The following USP15 variants were observed in gnomAD, a reference collection of about 807,000 sequenced individuals.
The protein encoded by USP15 is ubiquitin specific peptidase 15.
USP15 carries 18 observed loss-of-function variants against 127.1 expected under a neutral mutation model. The ratio of observed to expected loss-of-function variants is 0.14; its 90% confidence interval spans 0.10 to 0.21. USP15 has a LOEUF of 0.21. Among genes scored for constraint, USP15 ranks in the 10% least tolerant of loss-of-function variants. USP15 has a pLI of 1.00. For missense variants in USP15, 805 were observed against 1,159.9 expected (o/e 0.69, Z 4.44); for synonymous variants, 364 against 393.7 (o/e 0.92, Z 0.89).
intron 2 of USP15, among the ~76,000 whole-genome samples, chr12:62,297,785 G>A (rs963440829): frequency 2.0e-5 from 3 of 152,054 alleles, no homozygotes; most frequent in Non-Finnish European, 4.4e-5. Flanking sequence ...AACTCAATCA[G>A]GGAAACGTGA....
Position 62,389,519 on chromosome 12 carries a change from G to C in USP15, c.1557+5G>C. On this transcript the variant is annotated splice_donor_5th_base_variant and intron_variant, in intron 12 of 21. Transcript: ENST00000280377. ...TCAGGAATACCTGCAGATAAGGTAA[G>C]ATGTTTCTGGGGTTGAAGTATATAA... The C allele has an allele frequency of 6.2e-7, 1 of 1,613,542 alleles. No individual in the cohort carries two copies. Among genetic ancestry groups the C allele is most frequent in the Non-Finnish European group, 8.5e-7 (1 of 1,179,800 alleles).
At chr12:62,345,017 C>G (rs1043928051) in intron 6 of USP15, among the ~76,000 whole-genome samples, 1 of 152,240 alleles carries the variant, frequency 6.6e-6, no homozygotes, top group Admixed American at 6.5e-5. Flanking sequence ...CTGACATGCC[C>G]TGGAGACATT....
intron 7 of USP15, among the ~76,000 whole-genome samples, chr12:62,353,613 C>A (rs866044558): frequency 6.6e-6 from 1 of 151,856 alleles, no homozygotes; most frequent in South Asian, 2.1e-4. Flanking sequence ...GAAAGCCTTG[C>A]TTTTTTTAAA....
Position 62,411,434 on chromosome 12 carries a change from T to C in USP15, c.*7059T>C, listed in dbSNP as rs2068038856. The C allele has an allele frequency of 6.6e-6, 1 of 152,190 alleles. No individual in the cohort carries two copies. The highest frequency in any genetic ancestry group is 2.1e-4 in the South Asian group (1 of 4,834). 9.4% of individuals were successfully genotyped at this position (152,190 alleles called of 1,614,324 possible). ...ACTATTCTAGATTCAAGATATAAAG[T>C]AATATACAAAAACAAAATCCAGTTA... On this transcript the variant is annotated 3_prime_UTR_variant, in exon 22 of 22. Coordinates refer to ENST00000280377, the MANE Select transcript of USP15 (RefSeq NM_001252078.2).
At position 62,360,414 on chromosome 12, in the gene USP15, A is replaced by T. The variant is rs536368427; in HGVS notation, c.915+4939A>T. On this transcript the variant is annotated intron_variant, in intron 8 of 21. Coordinates refer to ENST00000280377, the MANE Select transcript of USP15 (RefSeq NM_001252078.2). ...TTAAATAGAAAGTTTAAACTTTTTT[A>T]AAGATTTAATTTAAGAGAATAAGTA... Among the ~76,000 whole-genome samples, 23 of 152,188 alleles carry T rather than the reference A, an allele frequency of 1.5e-4. No individual in the cohort carries two copies. The South Asian group carries it at 4.8e-3, about 32-fold the overall frequency.
In USP15 at chr12:62,401,170, T is replaced by G. The variant is rs2067675910; in HGVS notation, c.2675-17T>G. 6.3e-7 allele frequency: 1 copy of G among 1,588,248 alleles called. No individual in the cohort carries two copies. Among genetic ancestry groups the G allele is most frequent in the African/African-American group, 1.3e-5 (1 of 74,308 alleles). On this transcript the variant is annotated splice_polypyrimidine_tract_variant and intron_variant, in intron 20 of 21. Transcript: ENST00000280377. ...CCAAGATCATTTTCGTCACAGTGAT[T>G]ATATTTTTTTCATTAGATACTGCTT... is the stretch of plus-strand genomic sequence containing the variant.
At chr12:62,313,249 A>G (rs1253692413) in intron 3 of USP15, among the ~76,000 whole-genome samples, 1 of 151,648 alleles carries the variant, frequency 6.6e-6, no homozygotes, top group East Asian at 1.9e-4. Context: ...TTAAGTCACC[A>G]GGTTCTTTCC....
chr12:62,302,973 A>G (rs1311917136), intron 3 of USP15, 53 bp downstream of exon 3: 1 of 1,551,716 alleles, frequency 6.4e-7, no homozygotes, highest in Admixed American at 1.8e-5. Context: ...ATTAGTTCAC[A>G]TTTTATTATT....
chr12:62,271,444 GTTA>G (rs2063343154), intron 1 of USP15, among the ~76,000 whole-genome samples: 1 of 151,902 alleles, frequency 6.6e-6, no homozygotes, highest in African/African-American at 2.4e-5. Context: ...ATAGATGCTC[GTTA>G]TTATTCGAAG....
At chr12:62,265,118 G>C (rs2063162098) in intron 1 of USP15, among the ~76,000 whole-genome samples, 1 of 152,152 alleles carries the variant, frequency 6.6e-6, no homozygotes, top group Non-Finnish European at 1.5e-5. Context: ...AGTCCAGGAA[G>C]GTCCAGAGCT....
intron 1 of USP15, among the ~76,000 whole-genome samples, chr12:62,263,209 A>G (rs1249689711): frequency 6.6e-6 from 1 of 152,138 alleles, no homozygotes; most frequent in Non-Finnish European, 1.5e-5. Context: ...TCTTTGAATC[A>G]GGTTATTTGA....
intron 8 of USP15, among the ~76,000 whole-genome samples, chr12:62,364,030 C>T (rs1407843126): frequency 6.6e-6 from 1 of 151,792 alleles, no homozygotes; most frequent in Non-Finnish European, 1.5e-5. Context: ...GTTGGATATT[C>T]TAGTATGGAA....
At chr12:62,335,680 A>G (rs1001939982) in intron 6 of USP15, 5 of 985,956 alleles carry the variant, frequency 5.1e-6, no homozygotes, top group African/African-American at 1.7e-5. Flanking sequence ...ACCAAAAACC[A>G]TATACTTCCT....
At chr12:62,380,423 G>T (rs2066957097) in intron 8 of USP15, among the ~76,000 whole-genome samples, 1 of 151,976 alleles carries the variant, frequency 6.6e-6, no homozygotes, top group African/African-American at 2.4e-5. Context: ...AGTTATCTGT[G>T]TGAATTCAAC....
At chr12:62,337,300 A>G (rs914256747) in intron 6 of USP15, among the ~76,000 whole-genome samples, 2 of 152,138 alleles carry the variant, frequency 1.3e-5, no homozygotes, top group Non-Finnish European at 2.9e-5. Flanking sequence ...GCTGATAAAG[A>G]CATATAGGAG....
At chr12:62,327,744 C>A in intron 6 of USP15, 1 of 405,806 alleles carries the variant, frequency 2.5e-6, no homozygotes, top group Admixed American at 3.3e-5. Flanking sequence ...TAATACCCAA[C>A]ACACCATACT....
chr12:62,342,986 A>G (rs2065693013), intron 6 of USP15, among the ~76,000 whole-genome samples: 2 of 152,110 alleles, frequency 1.3e-5, no homozygotes, highest in African/African-American at 4.8e-5. Flanking sequence ...AGCAGCCAGG[A>G]AAGATTAAGT....
chr12:62,401,112 A>G, intron 20 of USP15, 75 bp from the exon 21 acceptor site: 1 of 908,042 alleles, frequency 1.1e-6, no homozygotes. Context: ...CCTTATATAG[A>G]TGATTATAGA....
At position 62,393,130 on chromosome 12, in the gene USP15, T is replaced by C; in HGVS notation, c.2498T>C (p.Val833Ala). 2 of 1,613,904 alleles carry C rather than the reference T, an allele frequency of 1.2e-6. No individual in the cohort carries two copies. Among genetic ancestry groups the C allele is most frequent in the Non-Finnish European group, 1.7e-6 (2 of 1,179,888 alleles). The change falls in exon 19 of 22, where the codon GTA becomes GCA. Residue 833 changes from valine (V) to alanine (A), a missense_variant. By Grantham distance (64) the Val-to-Ala change is moderately conservative. This residue lies in a region of USP15 where 24 missense variants were observed against 71.5 expected (regional missense o/e 0.34). Coordinates refer to ENST00000280377, the MANE Select transcript of USP15 (RefSeq NM_001252078.2). ...DLWSLPPVLV[V>A]HLKRFSYSRY... ...TGGTCCCTGCCTCCAGTACTTGTAG[T>C]ACATCTCAAGCGATTTTCTTACAGT... is the stretch of plus-strand genomic sequence containing the variant.
Sources: gnomAD v4.1 joint callset for allele counts (sites outside exome capture counted in the v4.1 genomes callset) on GRCh38, gnomAD v4.1.1 for gene constraint, gnomAD v4.1.1 regional missense constraint, MANE v1.5 for transcripts, NCBI Gene and HGNC (gene_info 2026-07-23, HGNC 2026-07-21) for gene names.